HDDC3: variants seen among roughly 807,000 people sequenced by gnomAD.
HDDC3 encodes HD domain containing 3, also known as guanosine-3',5'-bis(diphosphate) 3'-pyrophosphohydrolase MESH1.
HDDC3 carries 18 observed loss-of-function variants against 19.1 expected under a neutral mutation model. The ratio of observed to expected loss-of-function variants is 0.94; its 90% CI spans 0.65 to 1.40. The LOEUF (loss-of-function observed/expected upper bound fraction) is 1.40. HDDC3 is among the 40% of genes most tolerant of loss of function. The pLI is 0.00. For synonymous variants in HDDC3, 107 were observed against 99.4 expected (o/e 1.08, Z -0.46); for missense variants, 250 against 228.9 (o/e 1.09, Z -0.59).
Position 90,932,460 on chromosome 15 carries a change from GGGGTCC to G in HDDC3, c.75_80del (p.Lys25_Pro27delinsAsn). The G allele has an allele frequency of 7.5e-7, 1 of 1,334,734 alleles. No homozygotes were observed. The highest frequency in any genetic ancestry group is 9.6e-7 in the Non-Finnish European group (1 of 1,044,084). The allele number at this position is 1,334,734 out of a possible 1,614,324, so 82.7% of individuals were successfully genotyped here. On this transcript the variant is annotated inframe_deletion, in exon 1 of 4. Transcript: ENST00000394272. ...GGTGGTTGATGTAGGGGGTCCCCTC[GGGGTCC>G]TTCCGCCGCTGCTGCCGGTGCTTGC...
chr15:90,931,679 C>G, intron 3 of HDDC3, 25 bp downstream of exon 3: 1 of 1,613,918 alleles, frequency 6.2e-7, no homozygotes. Flanking sequence ...CTCCCTTTTC[C>G]CTTACAGCCC....
intron 2 of HDDC3, 23 bp downstream of exon 2, chr15:90,932,032 T>C (rs1032987575): frequency 3.6e-5 from 58 of 1,613,846 alleles, no homozygotes; most frequent in Non-Finnish European, 4.9e-5. Flanking sequence ...CCCAGGCTCC[T>C]GGCAGAGAAG....
At position 90,931,792 on chromosome 15, in the gene HDDC3, T is replaced by C; in HGVS notation, c.321A>G (p.Gln107=). The C allele has an allele frequency of 6.2e-7, 1 of 1,614,154 alleles. No individual in the cohort carries two copies. The highest frequency in any genetic ancestry group is 8.5e-7 in the Non-Finnish European group (1 of 1,180,030). ...KLERKRLQVE[Q]APHSSPGAKL... ...TGGCCCCGGGGCTACTGTGGGGCGCTTGCTCCACCTGCAGCCTCTTTCTCT... is the reference window on the plus strand; with the variant it reads ...TGGCCCCGGGGCTACTGTGGGGCGCCTGCTCCACCTGCAGCCTCTTTCTCT... The change falls in exon 3 of 4, where the codon CAA becomes CAG. Residue 107 remains glutamine, a synonymous_variant. Coordinates refer to ENST00000394272, the MANE Select transcript of HDDC3 (RefSeq NM_001286451.2).
In HDDC3 at chr15:90,930,179, C is replaced by T. The variant is rs1013748910; in HGVS notation, c.*1096G>A. 8 of 152,088 alleles carry T rather than the reference C, an allele frequency of 5.3e-5. No individual in the cohort carries two copies. Among genetic ancestry groups the T allele is most frequent in the African/African-American group, 1.9e-4 (8 of 41,424 alleles). The allele number at this position is 152,088 out of a possible 1,614,324, so 9.4% of individuals were successfully genotyped here. A position where few individuals can be genotyped will look rare whatever the true frequency, so the allele number is the denominator to read the frequency against. On this transcript the variant is annotated 3_prime_UTR_variant, in exon 4 of 4. Coordinates refer to ENST00000394272, the MANE Select transcript of HDDC3 (RefSeq NM_001286451.2). The stretch of plus-strand genomic sequence containing the variant: ...TCCGGGCCTTCCCGGAAGTCCCTGT[C>T]ACTTAACAACCGAAGTAACCCGCAA...
chr15:90,931,925 G>GT lies in HDDC3; in HGVS notation c.187dup (p.Thr63AsnfsTer11), dbSNP rs1567143928. 3 of 1,613,876 alleles carry GT rather than the reference G, an allele frequency of 1.9e-6. No individual in the cohort carries two copies. Among genetic ancestry groups the GT allele is most frequent in the Middle Eastern group, 1.6e-4 (1 of 6,062 alleles). ...CAGGGTGGTGTCTGTGTCCTCCACC[G>GT]TGTCATGGAGCAGGGCCGCCTGGGG... On this transcript the variant is annotated frameshift_variant, in exon 3 of 4. Coordinates refer to ENST00000394272, the MANE Select transcript of HDDC3 (RefSeq NM_001286451.2). LOFTEE classifies it high-confidence loss of function.
chr15:90,931,890 C>A lies in HDDC3; in HGVS notation c.223G>T (p.Glu75Ter). ...EDTDTTLDEV[E>*]LHFGAQVRRL... ...CGCACTTGTGCCCCAAAGTGTAGCT[C>A]CACCTCATCCAGGGTGGTGTCTGTG... The change falls in exon 3 of 4, where the codon GAG becomes TAG. Residue 75 changes from glutamate to a stop codon, truncating the protein, a stop_gained. Coordinates refer to ENST00000394272, the MANE Select transcript of HDDC3 (RefSeq NM_001286451.2). LOFTEE classifies it high-confidence loss of function. 1.9e-6 allele frequency: 3 copies of A among 1,614,092 alleles called. No homozygotes were observed. Among genetic ancestry groups the A allele is most frequent in the Non-Finnish European group, 2.5e-6 (3 of 1,180,022 alleles).
intron 1 of HDDC3, 96 bp downstream of exon 1, chr15:90,932,333 A>C: frequency 1.2e-6 from 1 of 835,174 alleles, no homozygotes; most frequent in Non-Finnish European, 1.7e-6. Flanking sequence ...GCTTGGGACA[A>C]AACAGGTGCT....
rs781390517 is a variant in HDDC3, at chr15:90,932,052, T to C, written c.168+3A>G. The C allele has an allele frequency of 2.6e-5, 42 of 1,613,454 alleles. No homozygotes were observed. The highest frequency in any genetic ancestry group is 1.6e-4 in the East Asian group (7 of 44,888). On this transcript the variant is annotated splice_donor_region_variant and intron_variant, in intron 2 of 3. Coordinates refer to ENST00000394272, the MANE Select transcript of HDDC3 (RefSeq NM_001286451.2). ...GCTCCTGGCAGAGAAGGGGGAAAGT[T>C]ACCTGTAACACCACAATGTCAGTGA...
chr15:90,931,857 C>T lies in HDDC3; in HGVS notation c.256G>A (p.Val86Met), dbSNP rs1294968728. 6.2e-7 allele frequency: 1 copy of T among 1,614,038 alleles called. No homozygotes were observed. Among genetic ancestry groups the T allele is most frequent in the Non-Finnish European group, 8.5e-7 (1 of 1,180,036 alleles). ...GTCTTGTCATCTGTTACCTCCTCCACCAGGCGCCGCACTTGTGCCCCAAAG... is the reference window on the plus strand; with the variant it reads ...GTCTTGTCATCTGTTACCTCCTCCATCAGGCGCCGCACTTGTGCCCCAAAG... ...LHFGAQVRRL[V>M]EEVTDDKTLP... The change falls in exon 3 of 4, where the codon GTG (valine) becomes ATG (methionine). Residue 86 changes from valine (V) to methionine (M), a missense_variant. Val to Met is a conservative substitution (Grantham distance 21, BLOSUM62 1). Coordinates refer to ENST00000394272, the MANE Select transcript of HDDC3 (RefSeq NM_001286451.2).
In HDDC3 at chr15:90,931,726, G is replaced by T. The variant is rs752276722; in HGVS notation, c.387C>A (p.Asp129Glu). The T allele has an allele frequency of 1.2e-6, 2 of 1,614,120 alleles. No homozygotes were observed. Among genetic ancestry groups the T allele is most frequent in the South Asian group, 2.2e-5 (2 of 91,082 alleles). ...KLADKLYNLR[D>E]LNRCTPEGWS... is the part of the protein sequence containing the mutation. ...TACCCTCTGGGGTGCAGCGATTCAG[G>T]TCCCTCAGATTGTACAGCTTGTCTG... Residue 129 changes from aspartate (D) to glutamate (E), a missense_variant, in exon 3 of 4, where the codon GAC becomes GAA. Coordinates refer to ENST00000394272, the MANE Select transcript of HDDC3 (RefSeq NM_001286451.2).
rs189226087 is a variant in HDDC3, at chr15:90,931,962, C to T, written c.169-18G>A. ...AGGGCCGCCTGGGGACAAGTTCCCA[C>T]TCAGCCCTGAGATGTCAGCCAAGGG... On this transcript the variant is annotated intron_variant, in intron 2 of 3. Transcript: ENST00000394272. 1,023 of 1,613,820 alleles carry T rather than the reference C, an allele frequency of 6.3e-4. 7 individuals are homozygous for T. The African/African-American group carries it at 0.012, about 19-fold the overall frequency.
chr15:90,932,456 C>T lies in HDDC3; in HGVS notation c.85G>A (p.Gly29Arg). 7.5e-7 allele frequency: 1 copy of T among 1,342,250 alleles called. No homozygotes were observed. The highest frequency in any genetic ancestry group is 9.5e-7 in the Non-Finnish European group (1 of 1,048,288). 83.1% of individuals were successfully genotyped at this position (1,342,250 alleles called of 1,614,324 possible). The change falls in exon 1 of 4, where the codon GGG becomes AGG. Residue 29 changes from glycine to arginine, a missense_variant. Physicochemically the swap from Gly to Arg is moderately radical, Grantham distance 125 (BLOSUM62 -2). Coordinates refer to ENST00000394272, the MANE Select transcript of HDDC3 (RefSeq NM_001286451.2). ...HRQQRRKDPE[G>R]TPYINHPIGV... ...ATGGGGTGGTTGATGTAGGGGGTCCCCTCGGGGTCCTTCCGCCGCTGCTGC... is the reference window on the plus strand; with the variant it reads ...ATGGGGTGGTTGATGTAGGGGGTCCTCTCGGGGTCCTTCCGCCGCTGCTGC...
chr15:90,932,568 C>CGCAGGG (rs1340558392), upstream of HDDC3: 99 of 1,223,414 alleles, frequency 8.1e-5, no homozygotes, highest in Admixed American at 5.4e-4. Flanking sequence ...CGACTGCGGC[C>CGCAGGG]GCAGGGGCAG....
At position 90,931,142 on chromosome 15, in the gene HDDC3, T is replaced by A. The variant is rs1002885222; in HGVS notation, c.*133A>T. 3 of 1,116,616 alleles carry A rather than the reference T, an allele frequency of 2.7e-6. No homozygotes were observed. In the African/African-American group the frequency reaches 4.7e-5, roughly 18 times the overall value. 69.2% of individuals were successfully genotyped at this position (1,116,616 alleles called of 1,614,324 possible). ...AGGAGACCTTCAGACTGAGAAAAAATGCAAGTCTTTTTTTGGCCTCTAATA... is the reference window on the plus strand; with the variant it reads ...AGGAGACCTTCAGACTGAGAAAAAAAGCAAGTCTTTTTTTGGCCTCTAATA... On this transcript the variant is annotated 3_prime_UTR_variant, in exon 4 of 4. Transcript: ENST00000394272.
chr15:90,931,823 T>A lies in HDDC3; in HGVS notation c.290A>T (p.Lys97Met). ...EEVTDDKTLP[K>M]LERKRLQVEQ... ...CACCTGCAGCCTCTTTCTCTCCAGCTTGGGCAGAGTCTTGTCATCTGTTAC... is the reference window on the plus strand; with the variant it reads ...CACCTGCAGCCTCTTTCTCTCCAGCATGGGCAGAGTCTTGTCATCTGTTAC... Residue 97 changes from lysine (K) to methionine (M), a missense_variant, in exon 3 of 4, where the codon AAG becomes ATG. Physicochemically the swap from Lys to Met is moderately conservative, Grantham distance 95 (BLOSUM62 -1). Transcript: ENST00000394272. The A allele has an allele frequency of 6.2e-7, 1 of 1,614,160 alleles. No homozygotes were observed. Among genetic ancestry groups the A allele is most frequent in the Non-Finnish European group, 8.5e-7 (1 of 1,180,034 alleles).
In HDDC3 at chr15:90,931,907, G is replaced by A; in HGVS notation, c.206C>T (p.Thr69Ile). 6.2e-7 allele frequency: 1 copy of A among 1,614,052 alleles called. No individual in the cohort carries two copies. Among genetic ancestry groups the A allele is most frequent in the Non-Finnish European group, 8.5e-7 (1 of 1,180,026 alleles). Residue 69 changes from threonine to isoleucine, a missense_variant, in exon 3 of 4, where the codon ACC becomes ATC. Physicochemically the swap from Thr to Ile is moderately conservative, Grantham distance 89. Coordinates refer to ENST00000394272, the MANE Select transcript of HDDC3 (RefSeq NM_001286451.2). ...LLHDTVEDTD[T>I]TLDEVELHFG... ...GTGTAGCTCCACCTCATCCAGGGTGGTGTCTGTGTCCTCCACCGTGTCATG... is the reference window on the plus strand; with the variant it reads ...GTGTAGCTCCACCTCATCCAGGGTGATGTCTGTGTCCTCCACCGTGTCATG...
At position 90,930,820 on chromosome 15, in the gene HDDC3, C is replaced by G. The variant is rs2035763864; in HGVS notation, c.*455G>C. ...GTTCGGAGGGGTTGAGGCCCGCAAC[C>G]TGAGGGAGGTGACTCCGGGACACAC... On this transcript the variant is annotated 3_prime_UTR_variant, in exon 4 of 4. Coordinates refer to ENST00000394272, the MANE Select transcript of HDDC3 (RefSeq NM_001286451.2). 2.2e-5 allele frequency: 4 copies of G among 181,718 alleles called. No homozygotes were observed. In the South Asian group the frequency reaches 3.9e-4, roughly 18 times the overall value. 11.3% of individuals were successfully genotyped at this position (181,718 alleles called of 1,614,324 possible).
chr15:90,932,545 C>A lies in HDDC3; in HGVS notation c.-5G>T, dbSNP rs1250927580. 8.0e-7 allele frequency: 1 copy of A among 1,253,076 alleles called. No individual in the cohort carries two copies. Among genetic ancestry groups the A allele is most frequent in the Non-Finnish European group, 1.0e-6 (1 of 997,610 alleles). 77.6% of individuals were successfully genotyped at this position (1,253,076 alleles called of 1,614,324 possible). A position where few individuals can be genotyped will look rare whatever the true frequency, so the allele number is the denominator to read the frequency against. On this transcript the variant is annotated 5_prime_UTR_variant, in exon 1 of 4. Coordinates refer to ENST00000394272, the MANE Select transcript of HDDC3 (RefSeq NM_001286451.2). ...CTGCGCCGCCTCAGAGCCCATCGCG[C>A]GGATGGGGCCGACGACTGCGGCCGC...
intron 3 of HDDC3, 42 bp downstream of exon 3, chr15:90,931,662 C>CA: frequency 6.2e-7 from 1 of 1,613,942 alleles, no homozygotes; most frequent in Non-Finnish European, 8.5e-7. Context: ...CAGAAGGCGG[C>CA]ATCCCCCTCC....
Sources: gnomAD v4.1 joint callset for allele counts on GRCh38, gnomAD v4.1.1 for gene constraint, MANE v1.5 for transcripts, NCBI Gene and HGNC (gene_info 2026-07-23, HGNC 2026-07-21) for gene names.